The following PTPRB variants were observed in gnomAD, a reference collection of about 807,000 sequenced individuals.
PTPRB encodes receptor-type tyrosine-protein phosphatase beta.
A neutral mutation model predicts 238.1 loss-of-function variants in PTPRB; 97 were observed. The observed-to-expected ratio is 0.41, with a 90% CI of 0.35 to 0.48. The LOEUF (loss-of-function observed/expected upper bound fraction) is 0.48, where lower values mean the gene tolerates loss of function less well. PTPRB is among the 20% of genes least tolerant of loss of function. The pLI is 0.30. For missense variants in PTPRB, 2,292 were observed against 2,681.9 expected (o/e 0.85, Z 3.21); for synonymous variants, 970 against 995.4 (o/e 0.97, Z 0.48).
At chr12:70,629,303 C>T (rs571895303) in intron 2 of PTPRB, among the ~76,000 whole-genome samples, 155 of 152,194 alleles carry the variant, frequency 1.0e-3, no homozygotes, top group Middle Eastern at 3.4e-3. Flanking sequence ...CACTCAAAAC[C>T]GCACAACTAC....
rs907465993 is a variant in PTPRB at position 70,520,691 on chromosome 12, T to C, written c.*798A>G. ...TGAAAGGATCTCTAATCACTGTAGATAGTGCTTTGCATGTTATGTTTCCAG... is the reference window on the plus strand; with the variant it reads ...TGAAAGGATCTCTAATCACTGTAGACAGTGCTTTGCATGTTATGTTTCCAG... On this transcript the variant is annotated 3_prime_UTR_variant, in exon 34 of 34. Transcript: ENST00000334414. 1.3e-5 allele frequency: 2 copies of C among 153,758 alleles called. No individual in the cohort carries two copies. The highest frequency in any genetic ancestry group is 2.9e-5 in the Non-Finnish European group (2 of 69,210). 9.5% of individuals were successfully genotyped at this position (153,758 alleles called of 1,614,324 possible). A position where few individuals can be genotyped will look rare whatever the true frequency, so the allele number is the denominator to read the frequency against.
chr12:70,569,106 TTTAC>T (rs1319826124), intron 14 of PTPRB, among the ~76,000 whole-genome samples: 1 of 152,110 alleles, frequency 6.6e-6, no homozygotes, highest in African/African-American at 2.4e-5. Context: ...TATTTATTTA[TTTAC>T]TTATTTATTG....
intron 29 of PTPRB, 141 bp downstream of exon 29, chr12:70,535,884 T>C: frequency 1.0e-6 from 1 of 1,004,998 alleles, no homozygotes; most frequent in South Asian, 1.8e-5. Flanking sequence ...TAGAGTCTTT[T>C]GAACAGAGTG....
At chr12:70,555,459 A>C in intron 19 of PTPRB, 150 bp from the exon 20 acceptor site, 1 of 752,302 alleles carries the variant, frequency 1.3e-6, no homozygotes, top group Non-Finnish European at 2.1e-6. Flanking sequence ...TAATCAAGAA[A>C]CTCTCCCCTT....
intron 4 of PTPRB, among the ~76,000 whole-genome samples, chr12:70,597,851 CTATG>C (rs760782963): frequency 6.6e-6 from 1 of 152,182 alleles, no homozygotes; most frequent in Non-Finnish European, 1.5e-5. Flanking sequence ...ACTCATAAGA[CTATG>C]TATGGCTGAC....
chr12:70,569,667 A>C lies in PTPRB; in HGVS notation c.3634+8T>G. The C allele has an allele frequency of 2.5e-6, 4 of 1,613,538 alleles. No homozygotes were observed. Among genetic ancestry groups the C allele is most frequent in the Non-Finnish European group, 3.4e-6 (4 of 1,179,828 alleles). On this transcript the variant is annotated splice_region_variant and intron_variant, in intron 14 of 33. Coordinates refer to ENST00000334414, the MANE Select transcript of PTPRB (RefSeq NM_001109754.4). Reference sequence around the variant, plus strand: ...TACAATCTAGCCCTTCTCCAGGTGGATGCTTACCTGTCCGCCCAACCACAT... The same window carrying C: ...TACAATCTAGCCCTTCTCCAGGTGGCTGCTTACCTGTCCGCCCAACCACAT...
At chr12:70,633,458 A>G (rs943345265) in intron 2 of PTPRB, among the ~76,000 whole-genome samples, 2 of 152,176 alleles carry the variant, frequency 1.3e-5, no homozygotes, top group African/African-American at 4.8e-5. Flanking sequence ...AAAACCAAAG[A>G]AAAAACAAAA....
At position 70,559,564 on chromosome 12, in the gene PTPRB, G is replaced by A. The variant is rs377760230; in HGVS notation, c.4493C>T (p.Thr1498Met). ...TGTCCAGTCTGGGGGCCCTTTCCAC[G>A]TGATGGCCAAGGATGTGTTTGCAAT... is the stretch of plus-strand genomic sequence containing the variant. ...ADIANTSLAI[T>M]WKGPPDWTDY... The change falls in exon 18 of 34, where the codon ACG (threonine) becomes ATG (methionine). Residue 1498 changes from threonine to methionine, a missense_variant. Physicochemically the swap from Thr to Met is moderately conservative, Grantham distance 81. Coordinates refer to ENST00000334414, the MANE Select transcript of PTPRB (RefSeq NM_001109754.4). 3.7e-5 allele frequency: 59 copies of A among 1,613,248 alleles called. No homozygotes were observed. In the African/African-American group the frequency reaches 5.3e-4, roughly 15 times the overall value.
Position 70,554,730 on chromosome 12 carries a change from TTGAGACAGG to T in PTPRB, c.5143+421_5143+429del, listed in dbSNP as rs1877389644. Among the ~76,000 whole-genome samples the T allele has an allele frequency of 2.0e-5, 3 of 152,252 alleles. No individual in the cohort carries two copies. In the South Asian group the frequency reaches 6.2e-4, roughly 32 times the overall value. On this transcript the variant is annotated intron_variant, in intron 20 of 33. Transcript: ENST00000334414. ...TTGCAAGCATGATCAGTTGAGGCAT[TTGAGACAGG>T]GAGGGGTGAAGACAGTTGAGGCATA...
At chr12:70,567,802 G>A (rs931736063) in intron 14 of PTPRB, among the ~76,000 whole-genome samples, 1 of 152,056 alleles carries the variant, frequency 6.6e-6, no homozygotes, top group Non-Finnish European at 1.5e-5. Flanking sequence ...TTGTGATTTG[G>A]TCTCTCTACT....
intron 3 of PTPRB, 28 bp from the exon 4 acceptor site, chr12:70,609,367 A>C (rs1192085917): frequency 6.2e-6 from 10 of 1,607,604 alleles, no homozygotes; most frequent in African/African-American, 1.3e-5. Flanking sequence ...ACAACAGTTT[A>C]AGTCCACAGT....
At chr12:70,619,630 G>A (rs986803745) in intron 3 of PTPRB, among the ~76,000 whole-genome samples, 3 of 152,108 alleles carry the variant, frequency 2.0e-5, no homozygotes, top group Admixed American at 6.5e-5. Context: ...GCAGATAAGA[G>A]GCCATGTGGA....
At chr12:70,547,714 C>G (rs371562870) in intron 21 of PTPRB, among the ~76,000 whole-genome samples, 1 of 151,838 alleles carries the variant, frequency 6.6e-6, no homozygotes, top group African/African-American at 2.4e-5. Context: ...GCCATGTTGC[C>G]CAGGCTAGTC....
rs769161300 is a variant in PTPRB at position 70,594,490 on chromosome 12, T to G, written c.1493A>C (p.Tyr498Ser). 6.2e-7 allele frequency: 1 copy of G among 1,614,030 alleles called. No individual in the cohort carries two copies. The highest frequency in any genetic ancestry group is 8.5e-7 in the Non-Finnish European group (1 of 1,179,894). The stretch of plus-strand genomic sequence containing the variant: ...ACCTGTCCTGACTAGTTTCCACCTG[T>G]AGTTTTGCAGCCCTGCAGCCTCAGT... ...VMTEAAGLQN[Y>S]RWKLVRTAPM... is the part of the protein sequence containing the mutation. The change falls in exon 6 of 34, where the codon TAC becomes TCC. Residue 498 changes from tyrosine (Y) to serine (S), a missense_variant. Transcript: ENST00000334414.
rs374164566 is a variant in PTPRB at position 70,581,216 on chromosome 12, C to T, written c.2398G>A (p.Val800Ile). 17 of 1,613,864 alleles carry T rather than the reference C, an allele frequency of 1.1e-5. No individual in the cohort carries two copies. Among genetic ancestry groups the T allele is most frequent in the East Asian group, 8.9e-5 (4 of 44,890 alleles). Residue 800 changes from valine (V) to isoleucine (I), a missense_variant, in exon 10 of 34, where the codon GTA becomes ATA. Val to Ile is a conservative substitution (Grantham distance 29). This residue lies in a region of PTPRB where 1,205 missense variants were observed against 1,287.8 expected (regional missense o/e 0.94). Coordinates refer to ENST00000334414, the MANE Select transcript of PTPRB (RefSeq NM_001109754.4). ...ATCAGTAAGACTTGGTAAAATTCTA[C>T]GTCTCCTTGTGCCTGGGTCCAGTTA... ...FTNWTQAQGD[V>I]EFYQVLLIHE...
At chr12:70,530,519 TACAC>T (rs1459098281) in intron 32 of PTPRB, among the ~76,000 whole-genome samples, 1 of 152,130 alleles carries the variant, frequency 6.6e-6, no homozygotes, top group Non-Finnish European at 1.5e-5. Context: ...TACACACGTG[TACAC>T]ATACATATGT....
chr12:70,622,554 C>T lies in PTPRB; in HGVS notation c.544G>A (p.Val182Ile), dbSNP rs1461359246. The T allele has an allele frequency of 1.9e-6, 3 of 1,606,430 alleles. No homozygotes were observed. Among genetic ancestry groups the T allele is most frequent in the East Asian group, 4.5e-5 (2 of 44,634 alleles). Residue 182 changes from valine to isoleucine, a missense_variant, in exon 3 of 34, where the codon GTA becomes ATA. This residue lies in a region of PTPRB where 1,205 missense variants were observed against 1,287.8 expected (regional missense o/e 0.94). Coordinates refer to ENST00000334414, the MANE Select transcript of PTPRB (RefSeq NM_001109754.4). The part of the protein sequence containing the change: ...TTFNAVPDGL[V>I]FLIRNTTEAF... ...TCTGTGGTATTCCTAATAAGGAATACCAGGCCATCTGGAACTGCATTAAAG... is the reference window on the plus strand; with the variant it reads ...TCTGTGGTATTCCTAATAAGGAATATCAGGCCATCTGGAACTGCATTAAAG...
At position 70,609,134 on chromosome 12, in the gene PTPRB, G is replaced by A. The variant is rs964037373; in HGVS notation, c.914C>T (p.Ala305Val). Residue 305 changes from alanine (A) to valine (V), a missense_variant, in exon 4 of 34, where the codon GCA becomes GTA. Ala to Val is a moderately conservative substitution (Grantham distance 64). Coordinates refer to ENST00000334414, the MANE Select transcript of PTPRB (RefSeq NM_001109754.4). ...AATCCTGAAGTTATAGATGGTTCCT[G>A]CTTGTAAATCTTGAAGGTTACATCC... ...TYGCNLQDLQ[A>V]GTIYNFRIIS... 1 of 1,613,792 alleles carries A rather than the reference G, an allele frequency of 6.2e-7. No homozygotes were observed. Among genetic ancestry groups the A allele is most frequent in the African/African-American group, 1.3e-5 (1 of 74,922 alleles).
intron 21 of PTPRB, among the ~76,000 whole-genome samples, chr12:70,548,342 TCTCTCACACACACACACACACA>T (rs1379917928): frequency 3.4e-5 from 2 of 58,438 alleles, no homozygotes; most frequent in Middle Eastern, 5.3e-3. Context: ...TCTCTCTCTC[TCTCTCACACACACACACACACA>T]CACACACACA....
Sources: gnomAD v4.1 joint callset for allele counts (sites outside exome capture counted in the v4.1 genomes callset) on GRCh38, gnomAD v4.1.1 for gene constraint, gnomAD v4.1.1 regional missense constraint, MANE v1.5 for transcripts, NCBI Gene and HGNC (gene_info 2026-07-23, HGNC 2026-07-21) for gene names.